The following BTBD3 variants were observed in gnomAD, a reference collection of about 807,000 sequenced individuals.
The protein encoded by BTBD3 is BTB/POZ domain-containing protein 3.
In BTBD3, 14 loss-of-function variants were observed where a neutral mutation model predicts 41.6. That is an observed-to-expected ratio of 0.34 (90% confidence interval 0.22 to 0.53). The LOEUF (loss-of-function observed/expected upper bound fraction) is 0.53, where lower values mean the gene tolerates loss of function less well. Among genes scored for constraint, BTBD3 ranks in the 20% least tolerant of loss-of-function variants. The pLI, the probability that BTBD3 is intolerant of heterozygous loss-of-function variation, is 0.95. For synonymous variants in BTBD3, 249 were observed against 233.7 expected (o/e 1.07, Z -0.60); for missense variants, 426 against 654.7 (o/e 0.65, Z 3.81).
In BTBD3 at chr20:11,900,295, A is replaced by G. The variant is rs190109083; in HGVS notation, c.-126+9341A>G. Among the ~76,000 whole-genome samples, 350 of 152,334 alleles carry G rather than the reference A, an allele frequency of 2.3e-3. 4 individuals are homozygous for G. The highest frequency in any genetic ancestry group is 0.017 in the Middle Eastern group (5 of 294). ...TATTGAACCCTAAATATTCAGTACT[A>G]TTGGCCAAGGCTGAATGGAAAAAAT... On this transcript the variant is annotated intron_variant, in intron 1 of 4. Transcript: ENST00000254977.
intron 1 of BTBD3, chr20:11,891,210 C>G (rs562504756): frequency 6.5e-6 from 1 of 153,236 alleles, no homozygotes; most frequent in African/African-American, 2.4e-5. Flanking sequence ...CGCGTCGGGC[C>G]CGCGCGGAGG....
chr20:11,904,555 ATACG>A (rs1418119956), intron 1 of BTBD3, among the ~76,000 whole-genome samples: 2 of 152,150 alleles, frequency 1.3e-5, no homozygotes, highest in African/African-American at 4.8e-5. Flanking sequence ...AGCTTTTCTC[ATACG>A]TTTTGGTTTT....
chr20:11,918,089 G>A lies in BTBD3; in HGVS notation c.-187G>A. ...GATGGGGATATATTTAACAGACCCAGTACTGGATAAAACTTAAAGCCAGTT... is the reference window on the plus strand; with the variant it reads ...GATGGGGATATATTTAACAGACCCAATACTGGATAAAACTTAAAGCCAGTT... On this transcript the variant is annotated 5_prime_UTR_variant, in exon 1 of 4. Transcript: ENST00000378226. 7.0e-7 allele frequency: 1 copy of A among 1,431,486 alleles called. No homozygotes were observed. The highest frequency in any genetic ancestry group is 1.7e-5 in the South Asian group (1 of 59,600). The allele number at this position is 1,431,486 out of a possible 1,614,324, so 88.7% of individuals were successfully genotyped here. A position where few individuals can be genotyped will look rare whatever the true frequency, so the allele number is the denominator to read the frequency against.
In BTBD3 at chr20:11,918,560, G is replaced by A. The variant is rs763420046; in HGVS notation, c.285G>A (p.Pro95=). 19 of 1,612,600 alleles carry A rather than the reference G, an allele frequency of 1.2e-5. No homozygotes were observed. Among genetic ancestry groups the A allele is most frequent in the Non-Finnish European group, 1.5e-5 (18 of 1,179,512 alleles). ...ATCTCAGTAACAACAACCTTATCCC[G>A]GCCCCAAACTGGCAGGGTCTTTATC... ...QQNLSNNNLI[P]APNWQGLYPT... The change falls in exon 1 of 4, where the codon CCG becomes CCA. Residue 95 remains proline, a synonymous_variant. Transcript: ENST00000378226.
chr20:11,904,899 C>T (rs1404357984), intron 1 of BTBD3, among the ~76,000 whole-genome samples: 5 of 152,160 alleles, frequency 3.3e-5, no homozygotes, highest in East Asian at 1.9e-4. Flanking sequence ...ATCCATTGGT[C>T]GACCATTGTA....
intron 1 of BTBD3, among the ~76,000 whole-genome samples, chr20:11,895,690 A>G (rs953751917): frequency 1.3e-5 from 2 of 152,170 alleles, no homozygotes; most frequent in Non-Finnish European, 2.9e-5. Flanking sequence ...TAGTCTTGCT[A>G]GGTTCTAGGA....
intron 1 of BTBD3, among the ~76,000 whole-genome samples, chr20:11,891,669 C>T (rs367969022): frequency 1.1e-3 from 172 of 152,260 alleles, no homozygotes; most frequent in African/African-American, 3.9e-3. Flanking sequence ...GATGTTTGCT[C>T]TCTTGGGAAG....
chr20:11,924,067 T>G lies in BTBD3; in HGVS notation c.*401T>G. 6.0e-6 allele frequency: 1 copy of G among 165,482 alleles called. No homozygotes were observed. The highest frequency in any genetic ancestry group is 1.3e-5 in the Non-Finnish European group (1 of 76,274). The allele number at this position is 165,482 out of a possible 1,614,324, so 10.3% of individuals were successfully genotyped here. On this transcript the variant is annotated 3_prime_UTR_variant, in exon 4 of 4. Transcript: ENST00000378226. The stretch of plus-strand genomic sequence containing the variant: ...AACAAGAGTTATTTTTAAACAGAAC[T>G]CCTCTTACCCCCCAAAACAGATAAA...
chr20:11,923,866 A>C lies in BTBD3; in HGVS notation c.*200A>C. On this transcript the variant is annotated 3_prime_UTR_variant, in exon 4 of 4. Coordinates refer to ENST00000378226, the MANE Select transcript of BTBD3 (RefSeq NM_014962.4). This position sits in a 1 kb window ranked among gnomAD's most constrained non-coding sequence, Gnocchi z 5.3. ...TTCCGCTTTTAACTATCTGCTTAAA[A>C]GAGCTAACGTTCTTATTAAGGCTTT... 1 of 566,068 alleles carries C rather than the reference A, an allele frequency of 1.8e-6. No individual in the cohort carries two copies. The highest frequency in any genetic ancestry group is 2.5e-5 in the South Asian group (1 of 39,296). The allele number at this position is 566,068 out of a possible 1,614,324, so 35.1% of individuals were successfully genotyped here.
Position 11,923,824 on chromosome 20 carries a change from C to A in BTBD3, c.*158C>A. 1.5e-6 allele frequency: 1 copy of A among 688,780 alleles called. No individual in the cohort carries two copies. Among genetic ancestry groups the A allele is most frequent in the Non-Finnish European group, 2.4e-6 (1 of 424,060 alleles). The allele number at this position is 688,780 out of a possible 1,614,324, so 42.7% of individuals were successfully genotyped here. Reference sequence around the variant, plus strand: ...TTTCTTTTAACCTTTTAATTATGTACAGGCAAAAATGCAGCATTCCGCTTT... The same window carrying A: ...TTTCTTTTAACCTTTTAATTATGTAAAGGCAAAAATGCAGCATTCCGCTTT... On this transcript the variant is annotated 3_prime_UTR_variant, in exon 4 of 4. Coordinates refer to ENST00000378226, the MANE Select transcript of BTBD3 (RefSeq NM_014962.4). This position sits in a 1 kb window ranked among gnomAD's most constrained non-coding sequence, Gnocchi z 5.3.
At chr20:11,922,007 T>C (rs375968066) in intron 3 of BTBD3, among the ~76,000 whole-genome samples, 1 of 152,196 alleles carries the variant, frequency 6.6e-6, no homozygotes, top group Non-Finnish European at 1.5e-5. Context: ...GGAAATAATG[T>C]AATCTTGAAT....
In BTBD3 at chr20:11,919,181, GCAA is replaced by G; in HGVS notation, c.417+8_417+10del. 1 of 1,612,330 alleles carries G rather than the reference GCAA, an allele frequency of 6.2e-7. No individual in the cohort carries two copies. Among genetic ancestry groups the G allele is most frequent in the East Asian group, 2.2e-5 (1 of 44,852 alleles). On this transcript the variant is annotated splice_donor_region_variant and intron_variant, in intron 2 of 3. Coordinates refer to ENST00000378226, the MANE Select transcript of BTBD3 (RefSeq NM_014962.4). ...CAACGGTTGCCAGGACACAAAGTAA[GCAA>G]CAGCTGCATGACCGGTTTAGTCCTG... is the stretch of plus-strand genomic sequence containing the variant.
chr20:11,891,222 C>G (rs1407599905), intron 1 of BTBD3: 1 of 151,960 alleles, frequency 6.6e-6, no homozygotes, highest in Non-Finnish European at 1.4e-5. Flanking sequence ...GCGCGGAGGT[C>G]CTGGTGCCGG....
In BTBD3 at chr20:11,902,028, C is replaced by A. The variant is rs559319665; in HGVS notation, c.-126+11074C>A. Among the ~76,000 whole-genome samples the A allele has an allele frequency of 1.1e-4, 16 of 152,224 alleles. No individual in the cohort carries two copies. The East Asian group carries it at 1.5e-3, about 15-fold the overall frequency. On this transcript the variant is annotated intron_variant, in intron 1 of 4. Coordinates refer to the BTBD3 transcript ENST00000254977. ...TGAACAACTTGAGCATAAAGAGGCACTGATGCCTGCCCCCACCCCACCAAC... is the reference window on the plus strand; with the variant it reads ...TGAACAACTTGAGCATAAAGAGGCAATGATGCCTGCCCCCACCCCACCAAC...
chr20:11,919,640 T>C, intron 2 of BTBD3, 78 bp from the exon 3 acceptor site: 2 of 1,415,826 alleles, frequency 1.4e-6, no homozygotes. Flanking sequence ...CCTGATTGCC[T>C]AGTGTTGTTT....
In BTBD3 at chr20:11,902,271, G is replaced by A. The variant is rs150195727; in HGVS notation, c.-126+11317G>A. Among the ~76,000 whole-genome samples, 306 of 152,238 alleles carry A rather than the reference G, an allele frequency of 2.0e-3. 1 individual carries two copies. In the South Asian group the frequency reaches 0.026, roughly 13 times the overall value. On this transcript the variant is annotated intron_variant, in intron 1 of 4. Coordinates refer to the BTBD3 transcript ENST00000254977. ...GAAGTGAAAATACATTTATAGAAAT[G>A]TACTGTATTCATCAATATTGTAAGT... is the stretch of plus-strand genomic sequence containing the variant.
intron 3 of BTBD3, 65 bp downstream of exon 3, chr20:11,919,901 C>CA (rs2122308919): frequency 1.4e-6 from 2 of 1,380,806 alleles, no homozygotes; most frequent in Non-Finnish European, 1.0e-6. Context: ...GCTGGTTTCA[C>CA]AGTTAAATTT....
chr20:11,903,447 T>G (rs1489816937), intron 1 of BTBD3, among the ~76,000 whole-genome samples: 1 of 152,174 alleles, frequency 6.6e-6, no homozygotes, highest in Non-Finnish European at 1.5e-5. Flanking sequence ...GATACTTGTC[T>G]ACCTCAAAGC....
intron 1 of BTBD3, among the ~76,000 whole-genome samples, chr20:11,897,484 CAA>C (rs71186168): frequency 0.02 from 1,298 of 65,448 alleles, 6 homozygotes; most frequent in African/African-American, 0.058. Context: ...GTTATTTAAG[CAA>C]AAAAAAAAAA....
Sources: gnomAD v4.1 joint callset for allele counts (sites outside exome capture counted in the v4.1 genomes callset) on GRCh38, gnomAD v4.1.1 for gene constraint, Gnocchi (gnomAD v3.1) non-coding constraint, MANE v1.5 for transcripts, NCBI Gene and HGNC (gene_info 2026-07-23, HGNC 2026-07-21) for gene names.